The following PACSIN3 variants were observed in gnomAD, a reference collection of about 807,000 sequenced individuals.
The protein encoded by PACSIN3 is protein kinase C and casein kinase substrate in neurons protein 3.
Under a neutral mutation model 56.1 loss-of-function variants are expected in PACSIN3, and 34 were observed. That is an observed-to-expected ratio of 0.61 (90% CI 0.46 to 0.81). The LOEUF (loss-of-function observed/expected upper bound fraction) is 0.81, where lower values mean the gene tolerates loss of function less well. Ranked by LOEUF, PACSIN3 falls within the 30% of genes least tolerant of loss-of-function variation. The pLI is 0.00. For synonymous variants in PACSIN3, 218 were observed against 229.8 expected (o/e 0.95, Z 0.46); for missense variants, 535 against 592.4 (o/e 0.90, Z 1.01).
At chr11:47,180,156 G>C in intron 6 of PACSIN3, 30 bp downstream of exon 6, 1 of 1,585,052 alleles carries the variant, frequency 6.3e-7, no homozygotes, top group Non-Finnish European at 8.6e-7. Context: ...GCCCTGGGCG[G>C]GGGCCAGGGC....
At chr11:47,180,720 C>T (rs761042705) in intron 4 of PACSIN3, 30 bp from the exon 5 acceptor site, 2 of 1,549,688 alleles carry the variant, frequency 1.3e-6, no homozygotes, top group Admixed American at 1.8e-5. Context: ...TTAGGCCAGG[C>T]CTGGGTACCA....
Position 47,180,286 on chromosome 11 carries a change from TG to T in PACSIN3, c.502del (p.Gln168ArgfsTer127). The stretch of plus-strand genomic sequence containing the variant: ...TGCCTTTGCGTGGCTCTCCCTCGTC[TG>T]GGCGGTCTTCTCATCCTTCCGGGCT... ...HAARKDEKTA[Q>X]TRESHAKADS... is the part of the protein sequence containing the mutation. On this transcript the variant is annotated frameshift_variant, in exon 6 of 11. Transcript: ENST00000298838. LOFTEE classifies it high-confidence loss of function. The T allele has an allele frequency of 6.2e-7, 1 of 1,603,248 alleles. No individual in the cohort carries two copies. The highest frequency in any genetic ancestry group is 8.5e-7 in the Non-Finnish European group (1 of 1,179,964).
rs1348265729 is a variant in PACSIN3 at position 47,180,776 on chromosome 11, C to T, written c.212-86G>A. The T allele has an allele frequency of 7.4e-6, 8 of 1,078,200 alleles. No homozygotes were observed. The African/African-American group carries it at 9.4e-5, about 13-fold the overall frequency. The allele number at this position is 1,078,200 out of a possible 1,614,324, so 66.8% of individuals were successfully genotyped here. On this transcript the variant is annotated intron_variant, in intron 4 of 10. Coordinates refer to ENST00000298838, the MANE Select transcript of PACSIN3 (RefSeq NM_016223.5). The stretch of plus-strand genomic sequence containing the variant: ...TCTCACTGGGTGTGAGGCATGGAGG[C>T]ATGGGGTACGCGCATGGGGTGCAAA...
chr11:47,182,143 CAAAAAA>C, intron 4 of PACSIN3, among the ~76,000 whole-genome samples: 1 of 54,576 alleles, frequency 1.8e-5, no homozygotes, highest in Non-Finnish European at 3.8e-5. Context: ...CAAAACGTCT[CAAAAAA>C]AAAAAAAAAA....
At chr11:47,181,323 A>G (rs1212166552) in intron 4 of PACSIN3, among the ~76,000 whole-genome samples, 1 of 151,358 alleles carries the variant, frequency 6.6e-6, no homozygotes, top group East Asian at 1.9e-4. Flanking sequence ...TAAACACTAC[A>G]CTCCATTGCC....
At position 47,183,979 on chromosome 11, in the gene PACSIN3, T is replaced by C. The variant is rs187746175; in HGVS notation, c.-103-910A>G. Among the ~76,000 whole-genome samples the C allele has an allele frequency of 1.0e-4, 15 of 150,670 alleles. No homozygotes were observed. In the East Asian group the frequency reaches 2.9e-3, roughly 29 times the overall value. On this transcript the variant is annotated intron_variant, in intron 1 of 10. Coordinates refer to ENST00000298838, the MANE Select transcript of PACSIN3 (RefSeq NM_016223.5). Reference sequence around the variant, plus strand: ...GGAGGAGGTTGCGGTGAGCAGAGATTATACCACCGCCTGGGCAACAGAGTG... The same window carrying C: ...GGAGGAGGTTGCGGTGAGCAGAGATCATACCACCGCCTGGGCAACAGAGTG...
At position 47,178,223 on chromosome 11, in the gene PACSIN3, C is replaced by T; in HGVS notation, c.1159+143G>A. 1 of 1,275,144 alleles carries T rather than the reference C, an allele frequency of 7.8e-7. No individual in the cohort carries two copies. The highest frequency in any genetic ancestry group is 2.3e-5 in the East Asian group (1 of 43,036). The allele number at this position is 1,275,144 out of a possible 1,614,324, so 79.0% of individuals were successfully genotyped here. ...CCACCCCAGACCCTGAATGCAGCCACCAGGCACCAGCTATCTGGACCTGGA... is the reference window on the plus strand; with the variant it reads ...CCACCCCAGACCCTGAATGCAGCCATCAGGCACCAGCTATCTGGACCTGGA... On this transcript the variant is annotated intron_variant, in intron 10 of 10. Coordinates refer to ENST00000298838, the MANE Select transcript of PACSIN3 (RefSeq NM_016223.5). This position sits in a 1 kb window ranked among gnomAD's most constrained non-coding sequence, Gnocchi z 4.2.
At chr11:47,180,148 C>T (rs1261866256) in intron 6 of PACSIN3, 38 bp downstream of exon 6, 3 of 1,583,290 alleles carry the variant, frequency 1.9e-6, no homozygotes, top group Non-Finnish European at 2.6e-6. Flanking sequence ...GAAGCCGTGC[C>T]CTGGGCGGGG....
chr11:47,180,427 C>G, intron 5 of PACSIN3, 28 bp downstream of exon 5: 1 of 1,592,044 alleles, frequency 6.3e-7, no homozygotes. Flanking sequence ...AGGAGCCTGT[C>G]TCGGATACCT....
At position 47,179,415 on chromosome 11, in the gene PACSIN3, C is replaced by T. The variant is rs147000809; in HGVS notation, c.775G>A (p.Glu259Lys). The stretch of plus-strand genomic sequence containing the variant: ...TGCCCACCAGGCAGTTCATACTTCT[C>T]ACTGCTGGAAAGGTCCAGGTGCTGG... ...LHQHLDLSSSEKFHELHRDLH... is the reference protein window; with the variant it reads ...LHQHLDLSSSKKFHELHRDLH... Residue 259 changes from glutamate to lysine, a missense_variant, in exon 7 of 11, where the codon GAG (glutamate) becomes AAG (lysine). By Grantham distance (56) the Glu-to-Lys change is moderately conservative. Coordinates refer to ENST00000298838, the MANE Select transcript of PACSIN3 (RefSeq NM_016223.5). This position sits in a 1 kb window ranked among gnomAD's most constrained non-coding sequence, Gnocchi z 4.4. 1.1e-4 allele frequency: 185 copies of T among 1,613,958 alleles called. No homozygotes were observed. Among genetic ancestry groups the T allele is most frequent in the Non-Finnish European group, 1.3e-4 (155 of 1,180,010 alleles).
rs1953115186 is a variant in PACSIN3, at chr11:47,186,070, G to T, written c.-104+279C>A. Among the ~76,000 whole-genome samples the T allele has an allele frequency of 6.6e-6, 1 of 151,968 alleles. No homozygotes were observed. Among genetic ancestry groups the T allele is most frequent in the South Asian group, 2.1e-4 (1 of 4,834 alleles). ...CGGGGCGGGCGCGAGGCGAGCGGAC[G>T]GGGGCCCTCGAGGGGCCCCTGAAGA... is the stretch of plus-strand genomic sequence containing the variant. On this transcript the variant is annotated intron_variant, in intron 1 of 10. Coordinates refer to ENST00000298838, the MANE Select transcript of PACSIN3 (RefSeq NM_016223.5). The surrounding 1 kb of genome is among the most constrained non-coding windows in gnomAD (Gnocchi z 4.5).
chr11:47,178,591 G>A lies in PACSIN3; in HGVS notation c.1038-104C>T. On this transcript the variant is annotated intron_variant, in intron 9 of 10. Coordinates refer to ENST00000298838, the MANE Select transcript of PACSIN3 (RefSeq NM_016223.5). This position sits in a 1 kb window ranked among gnomAD's most constrained non-coding sequence, Gnocchi z 4.2. The stretch of plus-strand genomic sequence containing the variant: ...GGCCTCCCTACCCCCAGAGGCACCT[G>A]GGAGAGTCAGGTGAGGTACTAAAGA... The A allele has an allele frequency of 7.0e-7, 1 of 1,421,348 alleles. No homozygotes were observed. The highest frequency in any genetic ancestry group is 9.5e-7 in the Non-Finnish European group (1 of 1,053,546). The allele number at this position is 1,421,348 out of a possible 1,614,324, so 88.0% of individuals were successfully genotyped here. A position where few individuals can be genotyped will look rare whatever the true frequency, so the allele number is the denominator to read the frequency against.
intron 4 of PACSIN3, 54 bp from the exon 5 acceptor site, chr11:47,180,744 T>C (rs1953007554): frequency 6.9e-7 from 1 of 1,442,582 alleles, no homozygotes; most frequent in Admixed American, 2.0e-5. Flanking sequence ...AAAATGAGCC[T>C]AGCCCCTCTC....
chr11:47,180,850 C>G (rs557621141), intron 4 of PACSIN3, among the ~76,000 whole-genome samples, 160 bp from the exon 5 acceptor site: 2 of 152,350 alleles, frequency 1.3e-5, no homozygotes, highest in South Asian at 4.1e-4. Flanking sequence ...GGACCATGTG[C>G]CTTATCTCAC....
At chr11:47,182,101 A>C (rs1953035836) in intron 4 of PACSIN3, among the ~76,000 whole-genome samples, 1 of 150,856 alleles carries the variant, frequency 6.6e-6, no homozygotes, top group Admixed American at 6.6e-5. Context: ...AGCCAACATC[A>C]TGTCACTGCA....
intron 1 of PACSIN3, among the ~76,000 whole-genome samples, chr11:47,183,966 G>A (rs981754468): frequency 1.1e-4 from 17 of 152,022 alleles, no homozygotes; most frequent in East Asian, 3.9e-4. Context: ...AGGAGGTTGC[G>A]GTGAGCAGAG....
At position 47,179,103 on chromosome 11, in the gene PACSIN3, C is replaced by T. The variant is rs143360638; in HGVS notation, c.900+56G>A. Reference sequence around the variant, plus strand: ...CACTTACTTCATCCCTAGCCCTGGCCGAGCTGAGTGGGAGCCCATCCCACC... The same window carrying T: ...CACTTACTTCATCCCTAGCCCTGGCTGAGCTGAGTGGGAGCCCATCCCACC... On this transcript the variant is annotated intron_variant, in intron 8 of 10. Transcript: ENST00000298838. This position sits in a 1 kb window ranked among gnomAD's most constrained non-coding sequence, Gnocchi z 4.4. The T allele has an allele frequency of 0.012, 19,913 of 1,613,492 alleles. 154 individuals carry two copies. Among genetic ancestry groups the T allele is most frequent in the Non-Finnish European group, 0.016 (18,396 of 1,179,844 alleles).
chr11:47,177,946 C>T lies in PACSIN3; in HGVS notation c.1260G>A (p.Glu420=). Residue 420 remains glutamate, a synonymous_variant, in exon 11 of 11, where the codon GAG becomes GAA. Transcript: ENST00000298838. ...RIGLYPANYV[E]CVGA is the part of the protein sequence containing the mutation. ...GTCAGGACACTCAGGCGCCCACACA[C>T]TCCACGTAGTTGGCAGGGTACAGGC... The T allele has an allele frequency of 1.2e-6, 2 of 1,613,574 alleles. No individual in the cohort carries two copies. The highest frequency in any genetic ancestry group is 1.7e-6 in the Non-Finnish European group (2 of 1,179,508).
At position 47,186,165 on chromosome 11, in the gene PACSIN3, G is replaced by A. The variant is rs1456108833; in HGVS notation, c.-104+184C>T. Reference sequence around the variant, plus strand: ...GCGGAATTGCGAAGCCCGCGGCACCGCAGATGGGACGGCCCCTCGGCGCGG... The same window carrying A: ...GCGGAATTGCGAAGCCCGCGGCACCACAGATGGGACGGCCCCTCGGCGCGG... On this transcript the variant is annotated intron_variant, in intron 1 of 10. Coordinates refer to ENST00000298838, the MANE Select transcript of PACSIN3 (RefSeq NM_016223.5). This position sits in a 1 kb window ranked among gnomAD's most constrained non-coding sequence, Gnocchi z 4.5. Among the ~76,000 whole-genome samples, 1 of 151,926 alleles carries A rather than the reference G, an allele frequency of 6.6e-6. No individual in the cohort carries two copies. Among genetic ancestry groups the A allele is most frequent in the Non-Finnish European group, 1.5e-5 (1 of 67,912 alleles).
Sources: allele counts gnomAD v4.1 joint callset (sites outside exome capture counted in the v4.1 genomes callset), GRCh38; gene constraint gnomAD v4.1.1; non-coding constraint Gnocchi (gnomAD v3.1); transcripts MANE v1.5; gene names NCBI Gene and HGNC (gene_info 2026-07-23, HGNC 2026-07-21).